Variants in RBMS3 observed in about 807,000 individuals in gnomAD.
RBMS3 encodes RNA-binding motif, single-stranded-interacting protein 3.
A neutral mutation model predicts 66.8 loss-of-function variants in RBMS3; 27 were observed. The observed-to-expected ratio is 0.40, with a 90% CI of 0.30 to 0.56. The LOEUF is 0.56. Ranked by LOEUF, RBMS3 falls within the 20% of genes least tolerant of loss-of-function variation. RBMS3 has a pLI of 0.40. For missense variants in RBMS3, 513 were observed against 549.5 expected, an observed-to-expected ratio of 0.93 and a Z score of 0.66; for synonymous variants, 188 against 183.0, an observed-to-expected ratio of 1.03 and a Z score of -0.22.
At chr3:29,754,256 A>G (rs1002810456) in intron 5 of RBMS3, among the ~76,000 whole-genome samples, 1 of 152,226 alleles carries the variant, frequency 6.6e-6, no homozygotes, top group African/African-American at 2.4e-5. Flanking sequence ...CATGGCTAAA[A>G]GATGGGAAAA....
intron 7 of RBMS3, among the ~76,000 whole-genome samples, chr3:29,870,897 A>G (rs1350920807): frequency 6.6e-6 from 1 of 152,092 alleles, no homozygotes; most frequent in Non-Finnish European, 1.5e-5. Flanking sequence ...CATGCCCTAG[A>G]AATATGCTTA....
chr3:29,508,880 A>G (rs778010292), intron 3 of RBMS3, among the ~76,000 whole-genome samples: 10 of 151,624 alleles, frequency 6.6e-5, no homozygotes, highest in Non-Finnish European at 1.0e-4. Flanking sequence ...TGACTTTTTA[A>G]TGATCGCCAT....
At chr3:29,994,915 T>C (rs1699117082) in intron 14 of RBMS3, among the ~76,000 whole-genome samples, 1 of 152,206 alleles carries the variant, frequency 6.6e-6, no homozygotes, top group Non-Finnish European at 1.5e-5. Context: ...GGAACAAAGC[T>C]GGATGGAGAA....
At chr3:29,657,063 A>G (rs2050351201) in intron 4 of RBMS3, among the ~76,000 whole-genome samples, 1 of 152,134 alleles carries the variant, frequency 6.6e-6, no homozygotes, top group Non-Finnish European at 1.5e-5. Flanking sequence ...GGCACATGTG[A>G]TTTTTGACTC....
intron 12 of RBMS3, among the ~76,000 whole-genome samples, chr3:29,975,165 ATACTT>A (rs1189573988): frequency 2.0e-5 from 3 of 147,962 alleles, no homozygotes; most frequent in African/African-American, 4.9e-5. Flanking sequence ...TATATTTTAT[ATACTT>A]TACTGTAGAT....
intron 1 of RBMS3, among the ~76,000 whole-genome samples, chr3:29,329,335 T>C (rs77852337): frequency 0.065 from 9,827 of 152,194 alleles, 423 homozygotes; most frequent in Non-Finnish European, 0.087. Context: ...TCATGTGTAA[T>C]TAAAATCTGG....
intron 4 of RBMS3, among the ~76,000 whole-genome samples, chr3:29,654,764 G>GTT (rs11294119): frequency 5.0e-5 from 7 of 138,866 alleles, no homozygotes; most frequent in East Asian, 2.1e-4. Context: ...TAATTTTTGC[G>GTT]TTTTTTTTTT....
chr3:29,964,159 A>G (rs1261919195), intron 12 of RBMS3, among the ~76,000 whole-genome samples: 2 of 152,190 alleles, frequency 1.3e-5, no homozygotes, highest in African/African-American at 4.8e-5. Flanking sequence ...GTCATTTTTG[A>G]TATTTAAAAT....
chr3:29,697,922 T>C (rs1437646415), intron 4 of RBMS3, among the ~76,000 whole-genome samples: 1 of 152,188 alleles, frequency 6.6e-6, no homozygotes, highest in East Asian at 1.9e-4. Flanking sequence ...ACAAAAACTT[T>C]AAGTACTCTC....
At position 29,754,830 on chromosome 3, in the gene RBMS3, G is replaced by A. The variant is rs75291143; in HGVS notation, c.558-8080G>A. On this transcript the variant is annotated intron_variant, in intron 5 of 14. Transcript: ENST00000383767. ...ATTAATTGGTTATTCATTGCTCTTT[G>A]TGTCACAAATGCTAGGAATATGAAG... Among the ~76,000 whole-genome samples, 640 of 152,254 alleles carry A rather than the reference G, an allele frequency of 4.2e-3. 16 individuals carry two copies. The highest frequency in any genetic ancestry group is 0.035 in the Admixed American group (529 of 15,294).
rs539350457 is a variant in RBMS3, at chr3:29,693,259, T to C, written c.400-46461T>C. On this transcript the variant is annotated intron_variant, in intron 4 of 14. Coordinates refer to ENST00000383767, the MANE Select transcript of RBMS3 (RefSeq NM_001003793.3). Reference sequence around the variant, plus strand: ...TGCATAATTGTGATGTGTGATGCTGTACAGAGCAAATTCAGACTAATACAT... The same window carrying C: ...TGCATAATTGTGATGTGTGATGCTGCACAGAGCAAATTCAGACTAATACAT... Among the ~76,000 whole-genome samples the C allele has an allele frequency of 5.3e-5, 8 of 152,306 alleles. No individual in the cohort carries two copies. In the East Asian group the frequency reaches 1.5e-3, roughly 29 times the overall value.
At chr3:29,287,445 T>TCAA in intron 1 of RBMS3, among the ~76,000 whole-genome samples, 1 of 152,102 alleles carries the variant, frequency 6.6e-6, no homozygotes. Flanking sequence ...AAGAAAAGTA[T>TCAA]TAGGCAATAA....
chr3:29,983,588 G>C (rs765468468), intron 12 of RBMS3, among the ~76,000 whole-genome samples: 1 of 151,802 alleles, frequency 6.6e-6, no homozygotes, highest in Non-Finnish European at 1.5e-5. Flanking sequence ...TTTCCTTCAG[G>C]AGCTCTTGTA....
intron 6 of RBMS3, among the ~76,000 whole-genome samples, chr3:29,791,210 A>AT (rs2057001419): frequency 2.0e-5 from 3 of 152,212 alleles, no homozygotes; most frequent in African/African-American, 7.2e-5. Flanking sequence ...GAAGACAGGT[A>AT]TTATGTAAAT....
chr3:29,491,346 T>G (rs1313604561), intron 3 of RBMS3, among the ~76,000 whole-genome samples: 1 of 152,158 alleles, frequency 6.6e-6, no homozygotes, highest in East Asian at 1.9e-4. Context: ...TATAGAAAAC[T>G]TACCTCCAAA....
At chr3:29,579,175 G>A (rs1003656407) in intron 3 of RBMS3, among the ~76,000 whole-genome samples, 1 of 152,182 alleles carries the variant, frequency 6.6e-6, no homozygotes, top group African/African-American at 2.4e-5. Context: ...ACTATTTCAT[G>A]TATCTTTCCG....
At chr3:29,579,207 T>C (rs1255197886) in intron 3 of RBMS3, among the ~76,000 whole-genome samples, 3 of 152,232 alleles carry the variant, frequency 2.0e-5, no homozygotes, top group Non-Finnish European at 2.9e-5. Flanking sequence ...AATTTTATTA[T>C]AATGGTCTAT....
intron 2 of RBMS3, among the ~76,000 whole-genome samples, chr3:29,481,945 A>C (rs1015749493): frequency 6.6e-6 from 1 of 152,212 alleles, no homozygotes; most frequent in Non-Finnish European, 1.5e-5. Flanking sequence ...TCATTTTTAC[A>C]GTTGCTATAG....
At chr3:29,295,131 TAA>T (rs1252570356) in intron 1 of RBMS3, among the ~76,000 whole-genome samples, 8 of 151,452 alleles carry the variant, frequency 5.3e-5, no homozygotes, top group Non-Finnish European at 1.2e-4. Context: ...CTGTTGTGGC[TAA>T]GAGTACAAAC....
Sources: gnomAD v4.1 joint callset for allele counts (sites outside exome capture counted in the v4.1 genomes callset) on GRCh38, gnomAD v4.1.1 for gene constraint, MANE v1.5 for transcripts, NCBI Gene and HGNC (gene_info 2026-07-23, HGNC 2026-07-21) for gene names.